The following WWOX variants were observed in gnomAD, a reference collection of about 807,000 sequenced individuals.
WWOX encodes the protein WW domain-containing oxidoreductase.
Under a neutral mutation model 46.2 loss-of-function variants are expected in WWOX, and 69 were observed. That is an observed-to-expected ratio of 1.49 (90% CI 1.23 to 1.82). The LOEUF (loss-of-function observed/expected upper bound fraction) is 1.82, where lower values mean the gene tolerates loss of function less well. WWOX is among the 40% of genes most tolerant of loss of function. The pLI is 0.00. For missense variants in WWOX, 919 were observed against 542.6 expected (o/e 1.69, Z -6.89); for synonymous variants, 359 against 202.6 (o/e 1.77, Z -6.56).
chr16:78,945,171 C>T (rs930997495), intron 8 of WWOX, among the ~76,000 whole-genome samples: 3 of 151,910 alleles, frequency 2.0e-5, no homozygotes, highest in African/African-American at 4.8e-5. Flanking sequence ...CAGAGTGACA[C>T]CCTGTGTCAA....
chr16:78,653,729 G>A (rs1011163962), intron 8 of WWOX, among the ~76,000 whole-genome samples: 5 of 152,218 alleles, frequency 3.3e-5, no homozygotes, highest in African/African-American at 1.2e-4. Context: ...TGTCCTATGG[G>A]CCTCCTAACC....
intron 5 of WWOX, among the ~76,000 whole-genome samples, chr16:78,323,234 G>A (rs1247216150): frequency 6.6e-6 from 1 of 152,028 alleles, no homozygotes; most frequent in East Asian, 1.9e-4. Context: ...AGCCTCCTGA[G>A]TAGGTGGGAC....
At chr16:78,660,881 C>G (rs767032921) in intron 8 of WWOX, among the ~76,000 whole-genome samples, 1 of 152,152 alleles carries the variant, frequency 6.6e-6, no homozygotes, top group African/African-American at 2.4e-5. Flanking sequence ...TTAATAGTAT[C>G]TTGGAGATTA....
chr16:78,464,585 A>C (rs1234069588), intron 8 of WWOX, among the ~76,000 whole-genome samples: 1 of 152,192 alleles, frequency 6.6e-6, no homozygotes, highest in Non-Finnish European at 1.5e-5. Flanking sequence ...GTAAAGGTGC[A>C]GGTTAGAGGC....
chr16:79,072,281 C>A (rs1401979997), intron 8 of WWOX, among the ~76,000 whole-genome samples: 1 of 152,096 alleles, frequency 6.6e-6, no homozygotes, highest in South Asian at 2.1e-4. Flanking sequence ...ATGAGACTGT[C>A]CCCCCAACCC....
At chr16:78,458,097 C>T (rs761926039) in intron 8 of WWOX, among the ~76,000 whole-genome samples, 7 of 151,770 alleles carry the variant, frequency 4.6e-5, no homozygotes, top group Non-Finnish European at 7.4e-5. Flanking sequence ...AGTTGCCTGA[C>T]TTCTCATCCT....
intron 5 of WWOX, among the ~76,000 whole-genome samples, chr16:78,325,014 T>G (rs1215904220): frequency 6.6e-6 from 1 of 152,190 alleles, no homozygotes; most frequent in Non-Finnish European, 1.5e-5. Context: ...GAGCTGCTCA[T>G]GGGCACAAAA....
At chr16:78,747,084 G>C (rs952052264) in intron 8 of WWOX, among the ~76,000 whole-genome samples, 1 of 151,890 alleles carries the variant, frequency 6.6e-6, no homozygotes, top group Non-Finnish European at 1.5e-5. Flanking sequence ...AACCACTCTA[G>C]TCTTCTTTCT....
At chr16:78,352,076 C>T (rs1003807510) in intron 5 of WWOX, among the ~76,000 whole-genome samples, 3 of 152,120 alleles carry the variant, frequency 2.0e-5, no homozygotes, top group Admixed American at 6.5e-5. Context: ...GAGATGGTGG[C>T]GCACAAGAGG....
intron 8 of WWOX, among the ~76,000 whole-genome samples, chr16:79,021,771 T>C (rs1473752434): frequency 6.6e-6 from 1 of 152,190 alleles, no homozygotes; most frequent in African/African-American, 2.4e-5. Flanking sequence ...GTACACCCCC[T>C]CTTTCTAGGG....
At chr16:78,858,469 C>G (rs2052621743) in intron 8 of WWOX, among the ~76,000 whole-genome samples, 2 of 151,568 alleles carry the variant, frequency 1.3e-5, no homozygotes, top group Middle Eastern at 6.8e-3. Context: ...ATTATCATGT[C>G]TTTAAAAAAA....
intron 8 of WWOX, among the ~76,000 whole-genome samples, chr16:78,516,928 C>T (rs17777341): frequency 0.039 from 5,910 of 152,228 alleles, 174 homozygotes; most frequent in East Asian, 0.12. Context: ...GGTGTTACCT[C>T]ATGTCTGTAC....
At chr16:78,694,297 G>A (rs112513141) in intron 8 of WWOX, among the ~76,000 whole-genome samples, 2,438 of 152,300 alleles carry the variant, frequency 0.016, 49 homozygotes, top group Non-Finnish European at 0.019. Context: ...CCAGAGACCT[G>A]TGGAAAGTGT....
intron 8 of WWOX, among the ~76,000 whole-genome samples, chr16:78,978,580 C>T (rs2151330953): frequency 6.6e-6 from 1 of 152,278 alleles, no homozygotes; most frequent in Non-Finnish European, 1.5e-5. Context: ...GCTCATGATT[C>T]TGCAGGCTGC....
At chr16:78,629,393 C>G (rs114796664) in intron 8 of WWOX, among the ~76,000 whole-genome samples, 3 of 152,190 alleles carry the variant, frequency 2.0e-5, no homozygotes, top group Non-Finnish European at 2.9e-5. Flanking sequence ...AGATTTCTCA[C>G]TGGCATCTCT....
chr16:78,708,603 G>T (rs1006704188), intron 8 of WWOX, among the ~76,000 whole-genome samples: 1 of 152,140 alleles, frequency 6.6e-6, no homozygotes, highest in Non-Finnish European at 1.5e-5. Context: ...AAAAAACCTA[G>T]GGGTCAGAGA....
At chr16:78,335,345 G>A (rs185351632) in intron 5 of WWOX, among the ~76,000 whole-genome samples, 222 of 152,222 alleles carry the variant, frequency 1.5e-3, no homozygotes, top group Non-Finnish European at 1.3e-3. Context: ...TTCTCATCAT[G>A]CAGCTCCCAC....
chr16:78,495,388 G>C (rs9939180), intron 8 of WWOX, among the ~76,000 whole-genome samples: 1 of 151,284 alleles, frequency 6.6e-6, no homozygotes. Context: ...TGATCTGCCC[G>C]CCTTGGCCTC....
chr16:78,498,077 C>T lies in WWOX; in HGVS notation c.1056+65325C>T, dbSNP rs567132067. On this transcript the variant is annotated intron_variant, in intron 8 of 8. Coordinates refer to ENST00000566780, the MANE Select transcript of WWOX (RefSeq NM_016373.4). ...GAAATTAGCTGTGCGTGGTGGCGGG[C>T]GCCTGTAGTCCCAGCTACTTGGGAG... is the stretch of plus-strand genomic sequence containing the variant. Among the ~76,000 whole-genome samples, 601 of 151,548 alleles carry T rather than the reference C, an allele frequency of 4.0e-3. 1 individual carries two copies. Among genetic ancestry groups the T allele is most frequent in the Non-Finnish European group, 6.2e-3 (421 of 67,836 alleles).
Sources: gnomAD v4.1 joint callset for allele counts (sites outside exome capture counted in the v4.1 genomes callset) on GRCh38, gnomAD v4.1.1 for gene constraint, MANE v1.5 for transcripts, NCBI Gene and HGNC (gene_info 2026-07-23, HGNC 2026-07-21) for gene names.